Variants in CNTN5 observed in about 807,000 individuals in gnomAD.
CNTN5 encodes contactin-5.
A neutral mutation model predicts 129.1 loss-of-function variants in CNTN5; 77 were observed. The ratio of observed to expected loss-of-function variants is 0.60; its 90% confidence interval spans 0.50 to 0.72. The LOEUF is 0.72. CNTN5 is among the 30% of genes least tolerant of loss of function. CNTN5 has a pLI of 0.00. For synonymous variants in CNTN5, 509 were observed against 465.6 expected, an observed-to-expected ratio of 1.09 and a Z score of -1.20; for missense variants, 1,478 against 1,328.8, an observed-to-expected ratio of 1.11 and a Z score of -1.75.
At chr11:100,334,009 G>C (rs1008736037) in intron 21 of CNTN5, among the ~76,000 whole-genome samples, 5 of 152,154 alleles carry the variant, frequency 3.3e-5, no homozygotes, top group African/African-American at 1.2e-4. Context: ...CCCACAGAGT[G>C]GGAGAGAATC....
rs150634196 is a variant in CNTN5, at chr11:100,007,115, A to G, written c.980+4979A>G. 5.9e-3 allele frequency among the ~76,000 whole-genome samples: 903 copies of G among 152,184 alleles called. 11 individuals are homozygous for G. The highest frequency in any genetic ancestry group is 0.02 in the African/African-American group (842 of 41,540). On this transcript the variant is annotated intron_variant, in intron 9 of 24. Coordinates refer to ENST00000524871, the MANE Select transcript of CNTN5 (RefSeq NM_014361.4). ...TCTTTTTTTCTGAGCTGTAGGTCTC[A>G]ACAGTGGGCTTAAAATATTTAGTAA...
At chr11:99,732,813 A>C (rs1943578248) in intron 3 of CNTN5, among the ~76,000 whole-genome samples, 1 of 151,866 alleles carries the variant, frequency 6.6e-6, no homozygotes, top group Admixed American at 6.6e-5. Context: ...AGTATGAAAG[A>C]TTAGTGGGAC....
intron 15 of CNTN5, among the ~76,000 whole-genome samples, chr11:100,215,401 A>C (rs930058928): frequency 6.6e-6 from 1 of 152,230 alleles, no homozygotes; most frequent in South Asian, 2.1e-4. Context: ...ATATGTGGAC[A>C]TTCTTAATCT....
At chr11:99,796,979 T>A (rs374021925) in intron 3 of CNTN5, among the ~76,000 whole-genome samples, 7 of 151,720 alleles carry the variant, frequency 4.6e-5, no homozygotes, top group Non-Finnish European at 7.4e-5. Context: ...TCCCTAGGAG[T>A]CTTTGGGTGC....
intron 21 of CNTN5, among the ~76,000 whole-genome samples, chr11:100,327,435 C>G (rs1365874620): frequency 6.6e-6 from 1 of 152,152 alleles, no homozygotes; most frequent in Non-Finnish European, 1.5e-5. Context: ...TGCTGAACTC[C>G]CAATCATCTC....
At chr11:99,436,464 A>G (rs929163560) in intron 2 of CNTN5, among the ~76,000 whole-genome samples, 3 of 152,274 alleles carry the variant, frequency 2.0e-5, no homozygotes, top group Admixed American at 2.0e-4. Context: ...CATACGTTTG[A>G]ATCTTACTCA....
At chr11:99,869,750 G>A (rs1948454135) in intron 6 of CNTN5, among the ~76,000 whole-genome samples, 2 of 152,124 alleles carry the variant, frequency 1.3e-5, no homozygotes, top group South Asian at 4.1e-4. Flanking sequence ...TGTATGACAT[G>A]TTGCTTTTCA....
At chr11:100,294,960 T>A (rs1454643674) in intron 18 of CNTN5, among the ~76,000 whole-genome samples, 1 of 151,622 alleles carries the variant, frequency 6.6e-6, no homozygotes, top group Non-Finnish European at 1.5e-5. Context: ...CAATTGGAAT[T>A]AGAGTACCCA....
At chr11:100,147,007 C>A (rs779703110) in intron 13 of CNTN5, among the ~76,000 whole-genome samples, 2 of 152,288 alleles carry the variant, frequency 1.3e-5, no homozygotes, top group African/African-American at 2.4e-5. Context: ...TCTTTGCTAG[C>A]ATAATCCTCT....
At chr11:99,926,724 G>A (rs1950071422) in intron 7 of CNTN5, among the ~76,000 whole-genome samples, 1 of 151,926 alleles carries the variant, frequency 6.6e-6, no homozygotes, top group South Asian at 2.1e-4. Flanking sequence ...AATTTCTAAA[G>A]ATTTCTTAGT....
intron 7 of CNTN5, among the ~76,000 whole-genome samples, chr11:99,934,904 A>T (rs376986368): frequency 1.7e-5 from 1 of 57,702 alleles, no homozygotes; most frequent in Non-Finnish European, 3.8e-5. Flanking sequence ...GTGTGTATAT[A>T]TATATATATA....
chr11:100,258,992 C>T (rs1340124020), intron 17 of CNTN5, among the ~76,000 whole-genome samples: 1 of 152,130 alleles, frequency 6.6e-6, no homozygotes, highest in Non-Finnish European at 1.5e-5. Context: ...TTAAAAGACA[C>T]AGACTGGCAA....
At chr11:99,217,229 A>G (rs572049965) in intron 1 of CNTN5, among the ~76,000 whole-genome samples, 111 of 150,608 alleles carry the variant, frequency 7.4e-4, no homozygotes, top group African/African-American at 2.6e-3. Context: ...ATAGCTCAAT[A>G]GGAAAAAAAC....
Position 99,598,072 on chromosome 11 carries a change from T to C in CNTN5, c.55+41803T>C, listed in dbSNP as rs527912545. On this transcript the variant is annotated intron_variant, in intron 3 of 24. Coordinates refer to ENST00000524871, the MANE Select transcript of CNTN5 (RefSeq NM_014361.4). ...AGGATGTGTCTAGAGATTCTGTTGA[T>C]TGGAAAATTCCATGTAGGGAATATG... Among the ~76,000 whole-genome samples the C allele has an allele frequency of 5.3e-5, 8 of 152,258 alleles. No homozygotes were observed. The South Asian group carries it at 6.2e-4, about 12-fold the overall frequency.
At chr11:100,006,146 A>C (rs143054909) in intron 9 of CNTN5, among the ~76,000 whole-genome samples, 2 of 152,260 alleles carry the variant, frequency 1.3e-5, no homozygotes, top group African/African-American at 4.8e-5. Context: ...TACATACAAC[A>C]ATTTACACAC....
chr11:99,225,644 A>G (rs1860644168), intron 1 of CNTN5, among the ~76,000 whole-genome samples: 1 of 152,126 alleles, frequency 6.6e-6, no homozygotes, highest in African/African-American at 2.4e-5. Context: ...CTGCATAACA[A>G]TGATCATACA....
At chr11:99,153,541 T>C (rs1860178296) in intron 1 of CNTN5, among the ~76,000 whole-genome samples, 1 of 151,918 alleles carries the variant, frequency 6.6e-6, no homozygotes, top group South Asian at 2.1e-4. Flanking sequence ...TCCTGTATTG[T>C]TTTATTGTAT....
intron 2 of CNTN5, among the ~76,000 whole-genome samples, chr11:99,473,258 G>A (rs1945244574): frequency 6.6e-6 from 1 of 152,012 alleles, no homozygotes; most frequent in Non-Finnish European, 1.5e-5. Flanking sequence ...CTATTAGGAT[G>A]GATTTTCTTT....
chr11:99,302,127 A>G (rs1455958538), intron 1 of CNTN5, among the ~76,000 whole-genome samples: 1 of 151,674 alleles, frequency 6.6e-6, no homozygotes, highest in Non-Finnish European at 1.5e-5. Flanking sequence ...ATTAAAAAAG[A>G]TGAAAGATCT....
Sources: gnomAD v4.1 joint callset for allele counts (sites outside exome capture counted in the v4.1 genomes callset) on GRCh38, gnomAD v4.1.1 for gene constraint, MANE v1.5 for transcripts, NCBI Gene and HGNC (gene_info 2026-07-23, HGNC 2026-07-21) for gene names.